Variants in VRK2 observed in about 807,000 individuals in gnomAD.
VRK2 encodes the protein VRK serine/threonine kinase 2.
In VRK2, 60 loss-of-function variants were observed where a neutral mutation model predicts 57.6. The observed-to-expected ratio is 1.04, with a 90% CI of 0.85 to 1.29. The LOEUF is 1.29. Ranked by LOEUF, VRK2 falls within the 50% of genes most tolerant of loss-of-function variation. The pLI, the probability that VRK2 is intolerant of heterozygous loss-of-function variation, is 0.00. For synonymous variants in VRK2, 231 were observed against 199.2 expected (o/e 1.16, Z -1.35); for missense variants, 705 against 588.1 (o/e 1.20, Z -2.06).
chr2:57,912,889 T>C (rs1670033637), intron 1 of VRK2, among the ~76,000 whole-genome samples: 1 of 152,154 alleles, frequency 6.6e-6, no homozygotes, highest in Non-Finnish European at 1.5e-5. Flanking sequence ...TGGGACATGA[T>C]GGTGAAGCCC....
At chr2:58,100,983 T>G (rs151060965) in intron 7 of VRK2, among the ~76,000 whole-genome samples, 5 of 151,894 alleles carry the variant, frequency 3.3e-5, no homozygotes, top group East Asian at 3.9e-4. Flanking sequence ...CAAACCAGAT[T>G]AGAGCCATAT....
At chr2:58,037,275 T>C (rs1674306575) in intron 3 of VRK2, among the ~76,000 whole-genome samples, 1 of 152,044 alleles carries the variant, frequency 6.6e-6, no homozygotes, top group Non-Finnish European at 1.5e-5. Flanking sequence ...AGGTGTTTCA[T>C]GACTTCCGTG....
In VRK2 at chr2:58,035,405, A is replaced by T. The variant is rs1437055198; in HGVS notation, c.-6+1852A>T. Among the ~76,000 whole-genome samples, 6 of 151,914 alleles carry T rather than the reference A, an allele frequency of 3.9e-5. No homozygotes were observed. In the East Asian group the frequency reaches 9.6e-4, roughly 24 times the overall value. On this transcript the variant is annotated intron_variant, in intron 3 of 15. Transcript: ENST00000417641. ...ATCTATTTATTAGTTTATTTTTGTT[A>T]TGAGTTGGAACTGGATTCCAGGAAA...
chr2:57,929,199 T>G (rs1572871986), intron 1 of VRK2, among the ~76,000 whole-genome samples: 1 of 152,340 alleles, frequency 6.6e-6, no homozygotes, highest in South Asian at 2.1e-4. Context: ...GAGCCAGGAC[T>G]TGGAGTCAAA....
chr2:58,132,025 C>T, intron 9 of VRK2, 97 bp downstream of exon 9: 2 of 1,445,888 alleles, frequency 1.4e-6, no homozygotes, highest in Non-Finnish European at 1.9e-6. Flanking sequence ...ATTCACCCAA[C>T]ATGACAACCA....
chr2:57,949,582 T>C (rs1671363231), intron 1 of VRK2, among the ~76,000 whole-genome samples: 1 of 152,146 alleles, frequency 6.6e-6, no homozygotes, highest in African/African-American at 2.4e-5. Context: ...ATTCTCCTAT[T>C]TCTCTCCCCC....
At chr2:58,027,495 T>C (rs1445338870) in intron 2 of VRK2, among the ~76,000 whole-genome samples, 1 of 152,080 alleles carries the variant, frequency 6.6e-6, no homozygotes, top group Non-Finnish European at 1.5e-5. Context: ...TTAACAAATA[T>C]ATGATTTTGT....
chr2:58,085,364 G>A (rs1671472834), intron 4 of VRK2, among the ~76,000 whole-genome samples: 3 of 152,042 alleles, frequency 2.0e-5, no homozygotes, highest in Admixed American at 2.0e-4. Flanking sequence ...TTGGGGCAAG[G>A]TGTGTGGAAA....
At chr2:57,912,014 C>G (rs1203153131) in intron 1 of VRK2, among the ~76,000 whole-genome samples, 1 of 152,120 alleles carries the variant, frequency 6.6e-6, no homozygotes, top group East Asian at 1.9e-4. Context: ...CATTAAAACA[C>G]AAATCTTACT....
intron 1 of VRK2, among the ~76,000 whole-genome samples, chr2:57,993,930 G>A (rs1329604189): frequency 2.0e-5 from 3 of 152,098 alleles, no homozygotes; most frequent in Admixed American, 1.3e-4. Flanking sequence ...GTCAGTTCTT[G>A]GTCAAAGTAT....
chr2:58,077,007 C>A (rs753712306), intron 2 of VRK2, among the ~76,000 whole-genome samples: 21 of 152,048 alleles, frequency 1.4e-4, no homozygotes, highest in African/African-American at 4.6e-4. Flanking sequence ...ATACTATTAA[C>A]CTATTTATAT....
At chr2:58,098,622 A>G (rs1023739388) in intron 7 of VRK2, among the ~76,000 whole-genome samples, 3 of 152,092 alleles carry the variant, frequency 2.0e-5, no homozygotes, top group Admixed American at 6.6e-5. Flanking sequence ...CCTAGGAGCT[A>G]TAAGTTGTAC....
At chr2:58,011,956 A>G (rs913507376) in intron 1 of VRK2, among the ~76,000 whole-genome samples, 3 of 152,188 alleles carry the variant, frequency 2.0e-5, no homozygotes, top group African/African-American at 4.8e-5. Flanking sequence ...CCCAGATATA[A>G]GGGCTAAATC....
At chr2:58,085,076 C>G in intron 4 of VRK2, 126 bp downstream of exon 4, 1 of 777,430 alleles carries the variant, frequency 1.3e-6, no homozygotes. Flanking sequence ...TAAAGTGATA[C>G]AGTTAACTGT....
chr2:57,932,533 C>G (rs1185482139), intron 1 of VRK2, among the ~76,000 whole-genome samples: 2 of 152,116 alleles, frequency 1.3e-5, no homozygotes, highest in Admixed American at 6.6e-5. Context: ...GTGGAATCAG[C>G]TATAACATCT....
At chr2:58,157,647 T>C (rs573499420) in intron 12 of VRK2, among the ~76,000 whole-genome samples, 2 of 152,332 alleles carry the variant, frequency 1.3e-5, no homozygotes, top group Admixed American at 6.5e-5. Flanking sequence ...TCTCAGGTCA[T>C]ACTCCTAGAC....
intron 1 of VRK2, among the ~76,000 whole-genome samples, chr2:58,008,991 T>G (rs1259424080): frequency 1.3e-5 from 2 of 151,790 alleles, no homozygotes; most frequent in South Asian, 2.1e-4. Context: ...AGGGAGAAGG[T>G]AGAAGGTGAT....
Position 58,115,790 on chromosome 2 carries a change from C to CGGCA in VRK2, c.544-7309_544-7306dup, listed in dbSNP as rs769683130. Among the ~76,000 whole-genome samples the CGGCA allele has an allele frequency of 5.9e-5, 9 of 152,294 alleles. No homozygotes were observed. The East Asian group carries it at 9.6e-4, about 16-fold the overall frequency. On this transcript the variant is annotated intron_variant, in intron 7 of 12. Coordinates refer to ENST00000340157, the MANE Select transcript of VRK2 (RefSeq NM_006296.7). ...AACGGGGGCTGTCTGTGAAGCCTTG[C>CGGCA]GGCAGTACAGCCCAGGTAATTTGCT...
chr2:58,005,740 G>A (rs1224844258), intron 1 of VRK2, among the ~76,000 whole-genome samples: 1 of 152,218 alleles, frequency 6.6e-6, no homozygotes, highest in East Asian at 1.9e-4. Context: ...GTTAAAGCAA[G>A]GGCATTGATT....
Sources: gnomAD v4.1 joint callset for allele counts (sites outside exome capture counted in the v4.1 genomes callset) on GRCh38, gnomAD v4.1.1 for gene constraint, MANE v1.5 for transcripts, NCBI Gene and HGNC (gene_info 2026-07-23, HGNC 2026-07-21) for gene names.